CHST15: variants seen among roughly 807,000 people sequenced by gnomAD.
CHST15 encodes B cell RAG associated protein (GALNAC4S-6ST).
In CHST15, 30 loss-of-function variants were observed where a neutral mutation model predicts 53.6. The observed-to-expected ratio is 0.56, with a 90% CI of 0.42 to 0.76. CHST15 has a LOEUF of 0.76. CHST15 is among the 30% of genes least tolerant of loss of function. The pLI, the probability that CHST15 is intolerant of heterozygous loss-of-function variation, is 0.00. For synonymous variants in CHST15, 296 were observed against 289.8 expected (o/e 1.02, Z -0.22); for missense variants, 627 against 740.5 (o/e 0.85, Z 1.78).
At chr10:124,030,885 T>C (rs929038726) in intron 5 of CHST15, among the ~76,000 whole-genome samples, 2 of 152,272 alleles carry the variant, frequency 1.3e-5, no homozygotes, top group African/African-American at 4.8e-5. Context: ...CCCTTCTGTG[T>C]GTGCTGGCTT....
chr10:124,086,502 T>A (rs1017445606), intron 1 of CHST15, among the ~76,000 whole-genome samples: 1 of 152,212 alleles, frequency 6.6e-6, no homozygotes, highest in Non-Finnish European at 1.5e-5. Flanking sequence ...CCCTTCGCCC[T>A]GCTGGGAGAG....
Position 124,056,930 on chromosome 10 carries a change from C to G in CHST15, c.-512-10206G>C, listed in dbSNP as rs980776064. On this transcript the variant is annotated intron_variant, in intron 1 of 7. Transcript: ENST00000435907. The stretch of plus-strand genomic sequence containing the variant: ...ACATTGCAGCCTGGGCCCGTACGAC[C>G]GGACACTCTGAGGCCCAGGCCTGTA... Among the ~76,000 whole-genome samples, 7 of 151,830 alleles carry G rather than the reference C, an allele frequency of 4.6e-5. No individual in the cohort carries two copies. The East Asian group carries it at 1.4e-3, about 29-fold the overall frequency.
rs115337724 is a variant in CHST15 at position 124,073,387 on chromosome 10, A to G, written c.-513+20082T>C. On this transcript the variant is annotated intron_variant, in intron 1 of 7. Coordinates refer to ENST00000435907, the MANE Select transcript of CHST15 (RefSeq NM_001270764.2). ...AAAAACCCAGGCCGCGGAAGTCAGG[A>G]TAGCAATTTCCCTTGCATGGGTGCT... Among the ~76,000 whole-genome samples, 303 of 152,314 alleles carry G rather than the reference A, an allele frequency of 2.0e-3. 2 individuals are homozygous for G. Among genetic ancestry groups the G allele is most frequent in the African/African-American group, 4.2e-3 (174 of 41,570 alleles).
At position 124,024,192 on chromosome 10, in the gene CHST15, C is replaced by A. The variant is rs1346051548; in HGVS notation, c.1191-2780G>T. ...CCCAGACCTTCAGCCACATACTACC[C>A]TGCAAAAACTGTGCTCCCTTATAGC... On this transcript the variant is annotated intron_variant, in intron 5 of 7. Transcript: ENST00000435907. This position sits in a 1 kb window ranked among gnomAD's most constrained non-coding sequence, Gnocchi z 4.0. 1.3e-5 allele frequency among the ~76,000 whole-genome samples: 2 copies of A among 152,224 alleles called. No homozygotes were observed.
intron 6 of CHST15, among the ~76,000 whole-genome samples, chr10:124,018,813 G>C (rs1027315102): frequency 6.6e-6 from 1 of 152,180 alleles, no homozygotes; most frequent in Non-Finnish European, 1.5e-5. Flanking sequence ...CTGTGCAGGT[G>C]GAGGTTACAA....
At position 124,021,398 on chromosome 10, in the gene CHST15, T is replaced by C. The variant is rs1230939319; in HGVS notation, c.1205A>G (p.Tyr402Cys). The C allele has an allele frequency of 5.0e-6, 8 of 1,613,080 alleles. 1 individual carries two copies. The highest frequency in any genetic ancestry group is 2.2e-5 in the South Asian group (2 of 91,050). The change falls in exon 6 of 8, where the codon TAT (tyrosine) becomes TGT (cysteine). Residue 402 changes from tyrosine (Y) to cysteine (C), a missense_variant. Transcript: ENST00000435907. ...RDPVERLYSD[Y>C]LYFASSNKSA... ...TTTATTCGAACTTGCAAAGTAGAGATAGTCTGAGTACAACCTGTGAATAAA... is the reference window on the plus strand; with the variant it reads ...TTTATTCGAACTTGCAAAGTAGAGACAGTCTGAGTACAACCTGTGAATAAA...
chr10:124,080,521 C>T (rs1163546986), intron 1 of CHST15, among the ~76,000 whole-genome samples: 2 of 152,198 alleles, frequency 1.3e-5, no homozygotes, highest in African/African-American at 2.4e-5. Flanking sequence ...CACTGGGACC[C>T]TGTGTGTCTA....
intron 4 of CHST15, among the ~76,000 whole-genome samples, chr10:124,040,096 A>G (rs1947679663): frequency 6.6e-6 from 1 of 152,210 alleles, no homozygotes; most frequent in African/African-American, 2.4e-5. Flanking sequence ...TTCTACTCAC[A>G]ATGAATAAGA....
At chr10:124,031,610 C>T (rs1947226512) in intron 5 of CHST15, among the ~76,000 whole-genome samples, 1 of 152,142 alleles carries the variant, frequency 6.6e-6, no homozygotes, top group Admixed American at 6.5e-5. Context: ...TTGACCAAAA[C>T]TTGGTTATGT....
chr10:124,019,815 G>A lies in CHST15; in HGVS notation c.1347+1441C>T, dbSNP rs971417829. 3.0e-6 allele frequency: 3 copies of A among 985,464 alleles called. No homozygotes were observed. Among genetic ancestry groups the A allele is most frequent in the Admixed American group, 6.2e-5 (1 of 16,256 alleles). The allele number at this position is 985,464 out of a possible 1,614,324, so 61.0% of individuals were successfully genotyped here. A position where few individuals can be genotyped will look rare whatever the true frequency, so the allele number is the denominator to read the frequency against. ...TTCTTCTGAGGCTAGACCAGGTGGT[G>A]CGGCCCCATGTGCCACGCACCCAAG... On this transcript the variant is annotated intron_variant, in intron 6 of 7. Transcript: ENST00000435907. This position sits in a 1 kb window ranked among gnomAD's most constrained non-coding sequence, Gnocchi z 4.6.
At chr10:124,064,184 C>CA (rs144973573) in intron 1 of CHST15, among the ~76,000 whole-genome samples, 1,598 of 144,124 alleles carry the variant, frequency 0.011, 31 homozygotes, top group African/African-American at 0.038. Context: ...AACGAAATCT[C>CA]AAAAAAAAAA....
intron 1 of CHST15, among the ~76,000 whole-genome samples, chr10:124,052,062 T>C (rs1948219427): frequency 6.6e-6 from 1 of 152,210 alleles, no homozygotes; most frequent in African/African-American, 2.4e-5. Context: ...AATTACATTA[T>C]TTTTCTTTTA....
chr10:124,021,118 A>G lies in CHST15; in HGVS notation c.1347+138T>C, dbSNP rs1590192368. 6 of 1,510,488 alleles carry G rather than the reference A, an allele frequency of 4.0e-6. No homozygotes were observed. In the South Asian group the frequency reaches 6.2e-5, roughly 16 times the overall value. 93.6% of individuals were successfully genotyped at this position (1,510,488 alleles called of 1,614,324 possible). A position where few individuals can be genotyped will look rare whatever the true frequency, so the allele number is the denominator to read the frequency against. On this transcript the variant is annotated intron_variant, in intron 6 of 7. Transcript: ENST00000435907. The stretch of plus-strand genomic sequence containing the variant: ...CTTTTACATCCATGAATAATGGGGA[A>G]CAGCATTTGCACATTAAAACGCTTC...
At position 124,008,122 on chromosome 10, in the gene CHST15, A is replaced by G. The variant is rs890664580; in HGVS notation, c.*2027T>C. 103 of 1,231,486 alleles carry G rather than the reference A, an allele frequency of 8.4e-5. No individual in the cohort carries two copies. Among genetic ancestry groups the G allele is most frequent in the Non-Finnish European group, 1.0e-4 (101 of 987,900 alleles). The allele number at this position is 1,231,486 out of a possible 1,614,324, so 76.3% of individuals were successfully genotyped here. ...ATAATACCTTCAGTAATACTTCTGTAAGAAGCAGAATTACACCACATGTTA... is the reference window on the plus strand; with the variant it reads ...ATAATACCTTCAGTAATACTTCTGTGAGAAGCAGAATTACACCACATGTTA... On this transcript the variant is annotated 3_prime_UTR_variant, in exon 8 of 8. Coordinates refer to ENST00000435907, the MANE Select transcript of CHST15 (RefSeq NM_001270764.2).
At chr10:124,011,629 C>A (rs539459663) in intron 7 of CHST15, 1 of 985,350 alleles carries the variant, frequency 1.0e-6, no homozygotes, top group African/African-American at 1.7e-5. Context: ...GCAGCACTCG[C>A]TCCGCCAGCA....
chr10:124,045,112 CAAAAA>C (rs758243657), intron 2 of CHST15, among the ~76,000 whole-genome samples, 193 bp from the exon 3 acceptor site: 134 of 33,756 alleles, frequency 4.0e-3, no homozygotes, highest in East Asian at 0.016. Flanking sequence ...CGCCGCCCCA[CAAAAA>C]AAAAAAAAAA....
At chr10:124,079,482 G>A (rs902623020) in intron 1 of CHST15, among the ~76,000 whole-genome samples, 14 of 152,252 alleles carry the variant, frequency 9.2e-5, no homozygotes, top group Non-Finnish European at 1.8e-4. Context: ...TCCAGGAGTA[G>A]ACAAGGTTCA....
At position 124,008,845 on chromosome 10, in the gene CHST15, G is replaced by C; in HGVS notation, c.*1304C>G. ...GGGCTGTTGCCAAGGATGCTCAAGC[G>C]TTCTCTTCAATCTTCCCTGTGACTT... On this transcript the variant is annotated 3_prime_UTR_variant, in exon 8 of 8. Transcript: ENST00000435907. The C allele has an allele frequency of 1.6e-6, 2 of 1,252,896 alleles. No homozygotes were observed. The highest frequency in any genetic ancestry group is 2.1e-6 in the Non-Finnish European group (2 of 964,164). The allele number at this position is 1,252,896 out of a possible 1,614,324, so 77.6% of individuals were successfully genotyped here.
At position 124,026,248 on chromosome 10, in the gene CHST15, G is replaced by C. The variant is rs546139090; in HGVS notation, c.1191-4836C>G. 2.0e-5 allele frequency among the ~76,000 whole-genome samples: 3 copies of C among 152,276 alleles called. No individual in the cohort carries two copies. In the East Asian group the frequency reaches 5.8e-4, roughly 29 times the overall value. ...GGGAGCACTCAGACAGGGGAGCACTGAGACGGGGGAGCACTCTTTGGGTTC... is the reference window on the plus strand; with the variant it reads ...GGGAGCACTCAGACAGGGGAGCACTCAGACGGGGGAGCACTCTTTGGGTTC... On this transcript the variant is annotated intron_variant, in intron 5 of 7. Transcript: ENST00000435907.
Sources: gnomAD v4.1 joint callset for allele counts (sites outside exome capture counted in the v4.1 genomes callset) on GRCh38, gnomAD v4.1.1 for gene constraint, Gnocchi (gnomAD v3.1) non-coding constraint, MANE v1.5 for transcripts, NCBI Gene and HGNC (gene_info 2026-07-23, HGNC 2026-07-21) for gene names.